Variants in KANK1 observed in about 807,000 individuals in gnomAD.
The protein encoded by KANK1 is KN motif and ankyrin repeat domains 1, also known as KN motif and ankyrin repeat domain-containing protein 1.
A neutral mutation model predicts 106.2 loss-of-function variants in KANK1; 109 were observed. The observed-to-expected ratio is 1.03, with a 90% CI of 0.88 to 1.20. KANK1 has a LOEUF of 1.20. KANK1 is among the 50% of genes most tolerant of loss of function. The pLI is 0.00. For synonymous variants in KANK1, 873 were observed against 652.2 expected (o/e 1.34, Z -5.16); for missense variants, 2,399 against 1,710.7 (o/e 1.40, Z -7.10).
At position 643,253 on chromosome 9, in the gene KANK1, A is replaced by G. The variant is rs910476702; in HGVS notation, c.-83-33637A>G. Among the ~76,000 whole-genome samples the G allele has an allele frequency of 6.0e-5, 9 of 151,056 alleles. 1 individual carries two copies. The highest frequency in any genetic ancestry group is 2.2e-4 in the African/African-American group (9 of 40,362). On this transcript the variant is annotated intron_variant, in intron 1 of 11. Coordinates refer to ENST00000382297, the MANE Select transcript of KANK1 (RefSeq NM_015158.5). ...TCTGTATTTTCTAATGAGAAGATCC[A>G]TAACTTTCATAAGCATCAAAGCCAC...
Position 699,338 on chromosome 9 carries a change from G to A in KANK1, c.38-11466G>A, listed in dbSNP as rs541737593. ...ACCTAGCCGTGTTTGGCCTATTGCA[G>A]GCACTTAATAAATATTTGCTGAATG... On this transcript the variant is annotated intron_variant, in intron 2 of 11. Coordinates refer to ENST00000382297, the MANE Select transcript of KANK1 (RefSeq NM_015158.5). Among the ~76,000 whole-genome samples the A allele has an allele frequency of 7.2e-5, 11 of 152,314 alleles. No individual in the cohort carries two copies. In the East Asian group the frequency reaches 2.1e-3, roughly 29 times the overall value.
rs920493733 is a variant in KANK1, at chr9:745,950, G to C, written c.*715G>C. The C allele has an allele frequency of 1.3e-5, 2 of 152,620 alleles. No homozygotes were observed. The highest frequency in any genetic ancestry group is 2.9e-5 in the Non-Finnish European group (2 of 68,042). 9.5% of individuals were successfully genotyped at this position (152,620 alleles called of 1,614,324 possible). On this transcript the variant is annotated 3_prime_UTR_variant, in exon 12 of 12. Transcript: ENST00000382297. ...AGGTTGGATTGTGTTAGAGGAATCG[G>C]CTCTGTATTTGCCTCTAGAGAAACA...
At chr9:486,983 T>G (rs2058304518) in intron 3 of KANK1, among the ~76,000 whole-genome samples, 1 of 152,232 alleles carries the variant, frequency 6.6e-6, no homozygotes, top group African/African-American at 2.4e-5. Flanking sequence ...TAATGATATT[T>G]AATGTAATTT....
intron 3 of KANK1, chr9:489,139 T>A (rs571825245): frequency 1.3e-5 from 2 of 152,308 alleles, no homozygotes; most frequent in South Asian, 2.1e-4. Context: ...AAGTACTTGG[T>A]GTGGGGAAGC....
chr9:630,164 C>T (rs777773828), intron 1 of KANK1, among the ~76,000 whole-genome samples: 1 of 152,038 alleles, frequency 6.6e-6, no homozygotes, highest in Non-Finnish European at 1.5e-5. Flanking sequence ...GGGAGGACTG[C>T]TTGAGGCTGG....
chr9:580,861 A>G (rs1268149017), intron 1 of KANK1, among the ~76,000 whole-genome samples: 2 of 152,186 alleles, frequency 1.3e-5, no homozygotes, highest in African/African-American at 2.4e-5. Flanking sequence ...GCTGGAGCCC[A>G]CGGCATCTGG....
At chr9:511,932 T>G (rs1242239525) in intron 1 of KANK1, among the ~76,000 whole-genome samples, 1 of 152,152 alleles carries the variant, frequency 6.6e-6, no homozygotes, top group Non-Finnish European at 1.5e-5. Context: ...GCTGGGTGAT[T>G]CTGCTGCTTT....
At chr9:649,706 C>G (rs1401346595) in intron 1 of KANK1, among the ~76,000 whole-genome samples, 1 of 152,092 alleles carries the variant, frequency 6.6e-6, no homozygotes, top group East Asian at 1.9e-4. Context: ...TCTTAAAGGC[C>G]CATCAAGGTT....
chr9:740,774 T>C lies in KANK1; in HGVS notation c.3554-18T>C, dbSNP rs1464110489. The C allele has an allele frequency of 3.6e-6, 2 of 556,222 alleles. No individual in the cohort carries two copies. Among genetic ancestry groups the C allele is most frequent in the Non-Finnish European group, 5.1e-6 (2 of 393,460 alleles). The allele number at this position is 556,222 out of a possible 1,614,324, so 34.5% of individuals were successfully genotyped here. ...AGGGGCTGCTTCCTAAGAGACTTTTTTTTTTTTTTTTTTACAGATGTGTGT... is the reference window on the plus strand; with the variant it reads ...AGGGGCTGCTTCCTAAGAGACTTTTCTTTTTTTTTTTTTACAGATGTGTGT... On this transcript the variant is annotated intron_variant, in intron 8 of 11. Transcript: ENST00000382297.
intron 1 of KANK1, among the ~76,000 whole-genome samples, chr9:589,171 C>A (rs939039212): frequency 6.6e-6 from 1 of 152,186 alleles, no homozygotes; most frequent in Non-Finnish European, 1.5e-5. Flanking sequence ...CACACATTAT[C>A]TCATTCGATC....
chr9:532,159 A>G (rs550060471), intron 1 of KANK1, among the ~76,000 whole-genome samples: 88 of 152,114 alleles, frequency 5.8e-4, no homozygotes, highest in African/African-American at 2.0e-3. Flanking sequence ...CCACTTAGGC[A>G]TAACGGTGAA....
chr9:621,162 T>C (rs1010133269), intron 1 of KANK1, among the ~76,000 whole-genome samples: 1 of 152,218 alleles, frequency 6.6e-6, no homozygotes, highest in African/African-American at 2.4e-5. Flanking sequence ...GCTAAAAATT[T>C]TTCTTTGGGG....
At chr9:543,452 G>A (rs547967372) in intron 1 of KANK1, among the ~76,000 whole-genome samples, 17 of 151,912 alleles carry the variant, frequency 1.1e-4, no homozygotes, top group South Asian at 2.1e-4. Flanking sequence ...CCAGCTACTC[G>A]GGAGGCTGAG....
intron 1 of KANK1, among the ~76,000 whole-genome samples, chr9:545,816 G>A (rs559950506): frequency 6.7e-5 from 10 of 149,354 alleles, no homozygotes; most frequent in African/African-American, 2.5e-4. Flanking sequence ...CTCGATCTCG[G>A]CTCACTGCAA....
intron 3 of KANK1, chr9:489,188 CT>C (rs1344184876): frequency 6.6e-6 from 1 of 152,104 alleles, no homozygotes; most frequent in African/African-American, 2.4e-5. Flanking sequence ...AATGAATAAA[CT>C]TTTTCAAAAT....
chr9:511,512 C>T (rs941821387), intron 1 of KANK1, among the ~76,000 whole-genome samples: 5 of 152,248 alleles, frequency 3.3e-5, no homozygotes, highest in Non-Finnish European at 7.4e-5. Flanking sequence ...ATAAAAGCAT[C>T]TCCTTTATTG....
At chr9:675,797 C>T (rs762744968) in intron 1 of KANK1, among the ~76,000 whole-genome samples, 5 of 152,164 alleles carry the variant, frequency 3.3e-5, no homozygotes, top group Non-Finnish European at 5.9e-5. Flanking sequence ...AATGGCTACT[C>T]CATAGGCAGA....
chr9:688,817 C>G (rs748787236), intron 2 of KANK1, among the ~76,000 whole-genome samples: 1 of 152,044 alleles, frequency 6.6e-6, no homozygotes, highest in Non-Finnish European at 1.5e-5. Flanking sequence ...CCAGTTGGTT[C>G]CTTTTGTCTC....
intron 2 of KANK1, among the ~76,000 whole-genome samples, chr9:694,956 T>C (rs1820877227): frequency 6.6e-6 from 1 of 152,132 alleles, no homozygotes; most frequent in Admixed American, 6.5e-5. Flanking sequence ...AGAAATTTTG[T>C]ATCAAGTCTA....
Sources: allele counts gnomAD v4.1 joint callset (sites outside exome capture counted in the v4.1 genomes callset), GRCh38; gene constraint gnomAD v4.1.1; transcripts MANE v1.5; gene names NCBI Gene and HGNC (gene_info 2026-07-23, HGNC 2026-07-21).